SBF2: variants seen among roughly 807,000 people sequenced by gnomAD.
SBF2 encodes the protein myotubularin-related protein 13.
In SBF2, 112 loss-of-function variants were observed where a neutral mutation model predicts 225.2. That is an observed-to-expected ratio of 0.50 (90% CI 0.43 to 0.58). SBF2 has a LOEUF of 0.58. Ranked by LOEUF, SBF2 falls within the 20% of genes least tolerant of loss-of-function variation. SBF2 has a pLI of 0.00. For missense variants in SBF2, 1,996 were observed against 2,206.2 expected (o/e 0.90, Z 1.91); for synonymous variants, 763 against 773.3 (o/e 0.99, Z 0.22).
chr11:10,085,595 C>A (rs545110508), intron 2 of SBF2, among the ~76,000 whole-genome samples: 1 of 151,980 alleles, frequency 6.6e-6, no homozygotes, highest in Non-Finnish European at 1.5e-5. Flanking sequence ...TTTGAACATT[C>A]GGTATGAACA....
In SBF2 at chr11:9,778,923, A is replaced by G. The variant is rs929359339; in HGVS notation, c.*1495T>C. The G allele has an allele frequency of 5.2e-5, 8 of 152,686 alleles. No individual in the cohort carries two copies. Among genetic ancestry groups the G allele is most frequent in the Non-Finnish European group, 1.0e-4 (7 of 68,038 alleles). The allele number at this position is 152,686 out of a possible 1,614,324, so 9.5% of individuals were successfully genotyped here. On this transcript the variant is annotated 3_prime_UTR_variant, in exon 40 of 40. Transcript: ENST00000256190. ...AATAGCTGAAGGTACAATGGGCTCC[A>G]TATTTTACAAAGTACAAAAAATTAT...
At chr11:9,891,128 C>T (rs1355369269) in intron 17 of SBF2, among the ~76,000 whole-genome samples, 1 of 151,000 alleles carries the variant, frequency 6.6e-6, no homozygotes, top group African/African-American at 2.4e-5. Context: ...AAGAGCAAAA[C>T]TCCATCTCAA....
intron 2 of SBF2, among the ~76,000 whole-genome samples, chr11:10,081,181 A>T (rs1173441650): frequency 1.3e-5 from 2 of 152,174 alleles, no homozygotes; most frequent in Non-Finnish European, 2.9e-5. Flanking sequence ...TCACAAAAAA[A>T]GTCTCAATAA....
chr11:10,037,498 C>T (rs1949486086), intron 3 of SBF2, among the ~76,000 whole-genome samples: 1 of 151,998 alleles, frequency 6.6e-6, no homozygotes, highest in South Asian at 2.1e-4. Context: ...GGACTAAACC[C>T]TTCTTGAAGG....
chr11:9,845,768 A>G, intron 23 of SBF2, 28 bp from the exon 24 acceptor site: 1 of 1,608,500 alleles, frequency 6.2e-7, no homozygotes, highest in Non-Finnish European at 8.5e-7. Context: ...TAAACACAAA[A>G]GAAGCATTAA....
intron 16 of SBF2, among the ~76,000 whole-genome samples, chr11:9,905,746 A>C (rs748384731): frequency 6.6e-6 from 1 of 152,238 alleles, no homozygotes; most frequent in African/African-American, 2.4e-5. Flanking sequence ...TGAGTTTTAC[A>C]TATAAAAAGA....
intron 1 of SBF2, among the ~76,000 whole-genome samples, chr11:10,265,553 A>T (rs1961904804): frequency 6.6e-6 from 1 of 151,920 alleles, no homozygotes; most frequent in Non-Finnish European, 1.5e-5. Context: ...TATGTCAATG[A>T]ATATACAAAC....
chr11:9,835,625 T>G, intron 26 of SBF2, among the ~76,000 whole-genome samples: 1 of 4,480 alleles, frequency 2.2e-4, no homozygotes, highest in Non-Finnish European at 7.4e-4. Context: ...GAGCAAGACC[T>G]TGTCTCAAAA....
intron 17 of SBF2, among the ~76,000 whole-genome samples, chr11:9,874,361 A>G (rs1031073454): frequency 4.6e-5 from 7 of 152,280 alleles, no homozygotes; most frequent in Admixed American, 4.6e-4. Flanking sequence ...TTCTTTCCTT[A>G]GTTTCTATCT....
intron 2 of SBF2, among the ~76,000 whole-genome samples, chr11:10,081,381 A>C (rs1157430519): frequency 6.6e-6 from 1 of 152,224 alleles, no homozygotes; most frequent in Non-Finnish European, 1.5e-5. Context: ...GAAAAGAATG[A>C]AAATGGAGAC....
intron 27 of SBF2, 147 bp from the exon 28 acceptor site, chr11:9,829,643 C>G: frequency 1.4e-6 from 1 of 702,838 alleles, no homozygotes. Flanking sequence ...AGAAACCAGC[C>G]CCACTTAAAT....
chr11:9,794,144 C>T (rs1363214826), intron 33 of SBF2, among the ~76,000 whole-genome samples: 10 of 151,656 alleles, frequency 6.6e-5, no homozygotes, highest in Admixed American at 4.6e-4. Context: ...ATCCTGCCAC[C>T]GCACTCCAGC....
intron 8 of SBF2, 125 bp downstream of exon 8, chr11:10,000,789 C>T: frequency 1.6e-6 from 1 of 643,754 alleles, no homozygotes. Context: ...TTTCTTCTAT[C>T]CAATCTTTTC....
chr11:9,910,861 C>T lies in SBF2; in HGVS notation c.1861-14850G>A, dbSNP rs1336140077. 2.6e-5 allele frequency among the ~76,000 whole-genome samples: 3 copies of T among 116,396 alleles called. 1 individual carries two copies. Among genetic ancestry groups the T allele is most frequent in the African/African-American group, 3.5e-5 (1 of 28,498 alleles). 76.4% of individuals were successfully genotyped at this position (116,396 alleles called of 152,430 possible). ...CAGGAGATTGAGACCATTTGGCCAA[C>T]ATGGTGAAAACTTGTCTCTACTAAA... On this transcript the variant is annotated intron_variant, in intron 16 of 39. Coordinates refer to ENST00000256190, the MANE Select transcript of SBF2 (RefSeq NM_030962.4).
intron 13 of SBF2, among the ~76,000 whole-genome samples, chr11:9,973,314 C>T (rs981285700): frequency 6.6e-6 from 1 of 152,214 alleles, no homozygotes; most frequent in African/African-American, 2.4e-5. Context: ...TGTTGAATCT[C>T]CTTGTTGAAA....
chr11:9,939,391 C>T (rs911022725), intron 16 of SBF2, among the ~76,000 whole-genome samples: 12 of 152,150 alleles, frequency 7.9e-5, no homozygotes, highest in South Asian at 2.1e-4. Context: ...CCACTGCGCC[C>T]GGCCTAAACA....
chr11:9,942,774 T>G (rs1247061542), intron 16 of SBF2, among the ~76,000 whole-genome samples: 1 of 151,324 alleles, frequency 6.6e-6, no homozygotes, highest in South Asian at 2.1e-4. Context: ...GAGGCTACAG[T>G]GAGCCATGGT....
At chr11:9,925,773 TAGAAAGTGTGATTTTCTATC>T in intron 16 of SBF2, among the ~76,000 whole-genome samples, 1 of 152,348 alleles carries the variant, frequency 6.6e-6, no homozygotes, top group East Asian at 1.9e-4. Context: ...CCTAAAGTTA[TAGAAAGTGTGATTTTCTATC>T]TCTTTTCTTC....
intron 1 of SBF2, among the ~76,000 whole-genome samples, chr11:10,259,786 T>A (rs1190580382): frequency 6.6e-6 from 1 of 152,006 alleles, no homozygotes; most frequent in Non-Finnish European, 1.5e-5. Flanking sequence ...CTTTATAAAA[T>A]AAAAAATAAT....
Sources: gnomAD v4.1 joint callset for allele counts (sites outside exome capture counted in the v4.1 genomes callset) on GRCh38, gnomAD v4.1.1 for gene constraint, MANE v1.5 for transcripts, NCBI Gene and HGNC (gene_info 2026-07-23, HGNC 2026-07-21) for gene names.